CELF2: variants seen among roughly 807,000 people sequenced by gnomAD.
CELF2 encodes the protein CUGBP Elav-like family member 2, also known as CUG triplet repeat RNA-binding protein 2.
CELF2 carries 8 observed loss-of-function variants against 62.6 expected under a neutral mutation model. The ratio of observed to expected loss-of-function variants is 0.13; its 90% CI spans 0.07 to 0.23. The LOEUF (loss-of-function observed/expected upper bound fraction) is 0.23. CELF2 is among the 10% of genes least tolerant of loss of function. The probability of loss-of-function intolerance (pLI) is 1.00; values close to 1 mark genes in which losing one functional copy is unlikely to be tolerated. For missense variants in CELF2, 333 were observed against 671.0 expected (o/e 0.50, Z 5.56); for synonymous variants, 258 against 250.0 (o/e 1.03, Z -0.30).
intron 1 of CELF2, among the ~76,000 whole-genome samples, chr10:11,148,441 C>G (rs1425466602): frequency 6.6e-6 from 1 of 152,114 alleles, no homozygotes; most frequent in Non-Finnish European, 1.5e-5. Context: ...TATCTTTAAC[C>G]AATAGAAATA....
Position 11,156,125 on chromosome 10 carries a change from A to G in CELF2, c.75-9361A>G, listed in dbSNP as rs535632251. Reference sequence around the variant, plus strand: ...TATTAATAATAATGTAATGAGAACAAGAGGATAGCCAGAATCAGGACAGTG... The same window carrying G: ...TATTAATAATAATGTAATGAGAACAGGAGGATAGCCAGAATCAGGACAGTG... On this transcript the variant is annotated intron_variant, in intron 1 of 12. Transcript: ENST00000633077. The surrounding 1 kb of genome is among the most constrained non-coding windows in gnomAD (Gnocchi z 4.3). 2.0e-5 allele frequency among the ~76,000 whole-genome samples: 3 copies of G among 152,284 alleles called. No homozygotes were observed. The highest frequency in any genetic ancestry group is 7.2e-5 in the African/African-American group (3 of 41,538).
chr10:10,800,787 T>A (rs546138977), intron 1 of CELF2, among the ~76,000 whole-genome samples: 1 of 152,342 alleles, frequency 6.6e-6, no homozygotes, highest in East Asian at 1.9e-4. Flanking sequence ...TTTTTAACTA[T>A]CGAAAAATGG....
chr10:10,486,167 T>A, the CELF2 span, among the ~76,000 whole-genome samples: 3 of 152,148 alleles, frequency 2.0e-5, no homozygotes, highest in Non-Finnish European at 2.9e-5. Context: ...GTGGAAATGG[T>A]GGTCTTCATT....
the CELF2 span, among the ~76,000 whole-genome samples, chr10:10,758,006 C>T: frequency 2.0e-4 from 30 of 152,304 alleles, no homozygotes; most frequent in African/African-American, 6.5e-4. Flanking sequence ...ACAGGTATCA[C>T]AAATAAAATG....
chr10:11,326,555 C>A (rs1028454020), intron 12 of CELF2, among the ~76,000 whole-genome samples: 1 of 152,164 alleles, frequency 6.6e-6, no homozygotes, highest in African/African-American at 2.4e-5. Flanking sequence ...GCTGCCATGC[C>A]CCCTTTCCTC....
chr10:10,478,988 T>A, the CELF2 span, among the ~76,000 whole-genome samples: 1 of 152,158 alleles, frequency 6.6e-6, no homozygotes, highest in Admixed American at 6.5e-5. Flanking sequence ...AATGTGCCCA[T>A]CCCCACTCTT....
chr10:11,048,609 G>A (rs944716852), intron 1 of CELF2, among the ~76,000 whole-genome samples: 18 of 152,138 alleles, frequency 1.2e-4, no homozygotes, highest in Non-Finnish European at 2.4e-4. Flanking sequence ...ACACCATTAC[G>A]CTGGGTAAGA....
chr10:10,893,576 C>G (rs1006851919), intron 1 of CELF2, among the ~76,000 whole-genome samples: 1 of 152,098 alleles, frequency 6.6e-6, no homozygotes, highest in Non-Finnish European at 1.5e-5. Context: ...TAGAGAGATA[C>G]CTGAGACGGG....
chr10:10,919,918 C>T, intron 1 of CELF2: 1 of 1,186,682 alleles, frequency 8.4e-7, no homozygotes, highest in Non-Finnish European at 1.1e-6. Flanking sequence ...CATAATTCAC[C>T]AAAATAAACT....
chr10:10,466,490 G>A, the CELF2 span, among the ~76,000 whole-genome samples: 1 of 152,052 alleles, frequency 6.6e-6, no homozygotes, highest in African/African-American at 2.4e-5. Context: ...TTTGGGAACT[G>A]TTATAAGTAA....
the CELF2 span, among the ~76,000 whole-genome samples, chr10:10,723,137 G>A: frequency 2.0e-5 from 3 of 152,162 alleles, no homozygotes; most frequent in African/African-American, 7.2e-5. Flanking sequence ...GTAGTCAATC[G>A]GAAATATGGA....
chr10:10,943,604 T>C (rs2135510714), intron 2 of CELF2, among the ~76,000 whole-genome samples: 1 of 152,172 alleles, frequency 6.6e-6, no homozygotes, highest in South Asian at 2.1e-4. Flanking sequence ...CTGTTTTTTG[T>C]TTGTTTGTTT....
chr10:10,925,081 A>C (rs2065335419), intron 2 of CELF2: 1 of 152,204 alleles, frequency 6.6e-6, no homozygotes, highest in Non-Finnish European at 1.5e-5. Context: ...AAGCAAAGAT[A>C]ATTCAGATCA....
Position 11,270,845 on chromosome 10 carries a change from G to T in CELF2, c.777+21G>T. On this transcript the variant is annotated intron_variant, in intron 7 of 12. Coordinates refer to ENST00000633077, the MANE Select transcript of CELF2 (RefSeq NM_001326342.2). This position sits in a 1 kb window ranked among gnomAD's most constrained non-coding sequence, Gnocchi z 5.8. ...TGGCGGTAAGTGCTGGGCAATGCCG[G>T]CGTGGTCTTCACCCGCTGAAACTCT... 7.4e-7 allele frequency: 1 copy of T among 1,349,508 alleles called. No individual in the cohort carries two copies. The highest frequency in any genetic ancestry group is 2.8e-5 in the East Asian group (1 of 36,046). The allele number at this position is 1,349,508 out of a possible 1,614,324, so 83.6% of individuals were successfully genotyped here.
chr10:10,786,840 T>C, the CELF2 span: 1 of 152,276 alleles, frequency 6.6e-6, no homozygotes, highest in East Asian at 1.9e-4. Context: ...ATTTACCATC[T>C]ACTCCTTTTG....
intron 11 of CELF2, among the ~76,000 whole-genome samples, chr10:11,322,575 A>C (rs73583251): frequency 6.6e-6 from 1 of 151,888 alleles, no homozygotes; most frequent in South Asian, 2.1e-4. Context: ...CCCTCACCCC[A>C]TAGCTCCAAA....
intron 4 of CELF2, chr10:11,257,488 A>G (rs1009112033): frequency 9.7e-6 from 4 of 411,708 alleles, no homozygotes; most frequent in African/African-American, 7.9e-5. Context: ...ACAGCATTAC[A>G]TGTCATATTA....
the CELF2 span, among the ~76,000 whole-genome samples, chr10:10,508,044 C>G: frequency 1.3e-5 from 2 of 152,056 alleles, no homozygotes; most frequent in African/African-American, 4.8e-5. Context: ...GAGGAAAGAG[C>G]CTTTGCAAAA....
chr10:11,201,570 C>T (rs1197516083), intron 2 of CELF2, among the ~76,000 whole-genome samples: 3 of 152,226 alleles, frequency 2.0e-5, no homozygotes, highest in Admixed American at 2.0e-4. Flanking sequence ...CCTTTAGTCA[C>T]GTGGCAAGGG....
Sources: allele counts gnomAD v4.1 joint callset (sites outside exome capture counted in the v4.1 genomes callset), GRCh38; gene constraint gnomAD v4.1.1; non-coding constraint Gnocchi (gnomAD v3.1); transcripts MANE v1.5; gene names NCBI Gene and HGNC (gene_info 2026-07-23, HGNC 2026-07-21).